The following CSF2RA variants were observed in gnomAD, a reference collection of about 807,000 sequenced individuals.
CSF2RA encodes the protein colony stimulating factor 2 receptor subunit alpha.
CSF2RA carries 42 observed loss-of-function variants against 51.6 expected under a neutral mutation model. The observed-to-expected ratio is 0.81, with a 90% CI of 0.64 to 1.05. CSF2RA has a LOEUF of 1.05. CSF2RA is among the 50% of genes least tolerant of loss of function. The pLI, the probability that CSF2RA is intolerant of heterozygous loss-of-function variation, is 0.00. For missense variants in CSF2RA, 530 were observed against 501.1 expected (o/e 1.06, Z -0.55); for synonymous variants, 222 against 193.0 (o/e 1.15, Z -1.24).
At chrX:1,313,759 T>C (rs138821663), downstream of CSF2RA, among the ~76,000 whole-genome samples, 27,545 of 151,298 alleles carry the variant, frequency 0.18, 3,609 homozygotes, top group East Asian at 0.45. Context: ...GAGGCCGAGG[T>C]GGGCAGATCA....
At chrX:1,323,254 C>G in the CSF2RA span, among the ~76,000 whole-genome samples, 1 of 150,954 alleles carries the variant, frequency 6.6e-6, no homozygotes, top group Non-Finnish European at 1.5e-5. Context: ...TGGCTCACGC[C>G]TGTAATTTCA....
chrX:1,302,992 C>A (rs1390767351), intron 10 of CSF2RA: 6 of 251,538 alleles, frequency 2.4e-5, no homozygotes, highest in Non-Finnish European at 2.9e-5. Flanking sequence ...CTGCCTCAGC[C>A]TCCCGAGTAG....
At chrX:1,323,762 C>T in the CSF2RA span, among the ~76,000 whole-genome samples, 1 of 151,338 alleles carries the variant, frequency 6.6e-6, no homozygotes, top group Non-Finnish European at 1.5e-5. Context: ...CGCCTGTAAT[C>T]CCAGCACTTT....
In CSF2RA at chrX:1,273,505, T is replaced by G. The variant is rs183885110; in HGVS notation, c.-90-1250T>G. 1.6e-3 allele frequency among the ~76,000 whole-genome samples: 249 copies of G among 151,904 alleles called. 1 individual carries two copies. The highest frequency in any genetic ancestry group is 0.015 in the South Asian group (74 of 4,822). On this transcript the variant is annotated intron_variant, in intron 1 of 12. Coordinates refer to ENST00000381529, the MANE Select transcript of CSF2RA (RefSeq NM_172245.4). ...AATTGTTTTTTGTTTTTTGTTTTTT[T>G]TTTAGTAGAGATGGGGTTTCACTGT...
intron 7 of CSF2RA, among the ~76,000 whole-genome samples, chrX:1,290,810 G>T (rs1331831267): frequency 2.6e-5 from 4 of 152,120 alleles, no homozygotes; most frequent in Non-Finnish European, 5.9e-5. Flanking sequence ...GCAATGAGGT[G>T]AGATTGTGCC....
rs751420338 is a variant in CSF2RA, at chrX:1,305,411, G to T, written c.1044-35G>T. Reference sequence around the variant, plus strand: ...ATGGAAGGAACTCTGGTGACCCGGGGTTCATTCTCTTCACACTTTTTCTCT... The same window carrying T: ...ATGGAAGGAACTCTGGTGACCCGGGTTTCATTCTCTTCACACTTTTTCTCT... On this transcript the variant is annotated intron_variant, in intron 11 of 12. Transcript: ENST00000381529. 48 of 1,612,550 alleles carry T rather than the reference G, an allele frequency of 3.0e-5. No homozygotes were observed. In the South Asian group the frequency reaches 4.8e-4, roughly 16 times the overall value.
the CSF2RA span, among the ~76,000 whole-genome samples, chrX:1,323,710 C>T: frequency 1.3e-5 from 2 of 151,570 alleles, no homozygotes; most frequent in African/African-American, 4.9e-5. Context: ...ATAGTGAGAC[C>T]CCCATCTCTT....
At chrX:1,282,949 C>T (rs1332686969) in intron 3 of CSF2RA, among the ~76,000 whole-genome samples, 170 bp downstream of exon 3, 1 of 152,124 alleles carries the variant, frequency 6.6e-6, no homozygotes, top group Non-Finnish European at 1.5e-5. Context: ...CTTGTTCTCA[C>T]CTCCTTTTCT....
At chrX:1,293,518 C>T (rs1483450921) in intron 7 of CSF2RA, among the ~76,000 whole-genome samples, 1 of 141,358 alleles carries the variant, frequency 7.1e-6, no homozygotes, top group African/African-American at 2.6e-5. Flanking sequence ...CGCGCCCAGC[C>T]CCCTGATCTC....
chrX:1,304,797 T>C (rs1370301339), intron 11 of CSF2RA, among the ~76,000 whole-genome samples: 1 of 151,032 alleles, frequency 6.6e-6, no homozygotes, highest in African/African-American at 2.4e-5. Context: ...CCCGAGTAGC[T>C]GGGATTACAG....
At chrX:1,303,622 C>T (rs1300314016) in intron 10 of CSF2RA, among the ~76,000 whole-genome samples, 2 of 152,156 alleles carry the variant, frequency 1.3e-5, no homozygotes, top group African/African-American at 2.4e-5. Flanking sequence ...GTGATCCTCC[C>T]GTGTCGGCCT....
the CSF2RA span, among the ~76,000 whole-genome samples, chrX:1,323,991 A>G: frequency 6.6e-6 from 1 of 150,660 alleles, no homozygotes; most frequent in Non-Finnish European, 1.5e-5. Context: ...TCCAGCCTGG[A>G]CAATGGTGTG....
chrX:1,323,268 C>A, the CSF2RA span, among the ~76,000 whole-genome samples: 3 of 151,304 alleles, frequency 2.0e-5, no homozygotes, highest in Non-Finnish European at 2.9e-5. Context: ...AATTTCAGCA[C>A]TTTGGGAGGC....
intron 1 of CSF2RA, among the ~76,000 whole-genome samples, chrX:1,272,893 A>G (rs1168172026): frequency 7.5e-5 from 11 of 146,604 alleles, no homozygotes; most frequent in African/African-American, 2.8e-4. Flanking sequence ...ATCTCAGCTC[A>G]CCACAGCCTC....
chrX:1,280,909 T>TCC (rs1426468863), intron 2 of CSF2RA, among the ~76,000 whole-genome samples: 36 of 133,746 alleles, frequency 2.7e-4, no homozygotes, highest in African/African-American at 9.3e-4. Context: ...CTCCTGCTCC[T>TCC]TCTCCTCCTC....
chrX:1,286,520 G>A (rs1207109509), intron 4 of CSF2RA, among the ~76,000 whole-genome samples: 2 of 151,580 alleles, frequency 1.3e-5, no homozygotes, highest in East Asian at 3.9e-4. Flanking sequence ...GGTGAGCCGA[G>A]ATGGTGCCAT....
At chrX:1,324,801 C>T in the CSF2RA span, among the ~76,000 whole-genome samples, 1 of 152,038 alleles carries the variant, frequency 6.6e-6, no homozygotes, top group Non-Finnish European at 1.5e-5. Flanking sequence ...CAGCAGCTTA[C>T]ACCCATGAAG....
downstream of CSF2RA, among the ~76,000 whole-genome samples, chrX:1,310,716 G>A (rs1215023419): frequency 1.3e-5 from 2 of 151,716 alleles, no homozygotes; most frequent in Non-Finnish European, 2.9e-5. Flanking sequence ...GCCTCCCTGG[G>A]TTATAAATCC....
downstream of CSF2RA, among the ~76,000 whole-genome samples, chrX:1,310,783 T>G (rs1218706516): frequency 5.9e-5 from 9 of 152,136 alleles, 1 homozygote; most frequent in Non-Finnish European, 1.2e-4. Context: ...AGTTTGGTTG[T>G]TTGTCCCTTG....
Sources: gnomAD v4.1 joint callset for allele counts (sites outside exome capture counted in the v4.1 genomes callset) on GRCh38, gnomAD v4.1.1 for gene constraint, MANE v1.5 for transcripts, NCBI Gene and HGNC (gene_info 2026-07-23, HGNC 2026-07-21) for gene names.